Variants in HCN1 observed in about 807,000 individuals in gnomAD.
The protein encoded by HCN1 is hyperpolarization activated cyclic nucleotide gated potassium channel 1.
A neutral mutation model predicts 78.9 loss-of-function variants in HCN1; 13 were observed. The observed-to-expected ratio is 0.16, with a 90% CI of 0.11 to 0.26. The LOEUF (loss-of-function observed/expected upper bound fraction) is 0.26, where lower values mean the gene tolerates loss of function less well. HCN1 is among the 10% of genes least tolerant of loss of function. The pLI is 1.00. For missense variants in HCN1, 810 were observed against 1,154.3 expected, an observed-to-expected ratio of 0.70 and a Z score of 4.32; for synonymous variants, 552 against 455.5, an observed-to-expected ratio of 1.21 and a Z score of -2.70.
At chr5:45,583,268 C>T (rs1227207681) in intron 2 of HCN1, among the ~76,000 whole-genome samples, 2 of 152,114 alleles carry the variant, frequency 1.3e-5, no homozygotes, top group East Asian at 1.9e-4. Context: ...GTGTACGTGT[C>T]GAGGAATTTA....
At chr5:45,415,048 G>A (rs1740093724) in intron 3 of HCN1, among the ~76,000 whole-genome samples, 1 of 151,964 alleles carries the variant, frequency 6.6e-6, no homozygotes, top group Admixed American at 6.6e-5. Flanking sequence ...GTAAGCAGTG[G>A]TTAAATGTTA....
At chr5:45,435,096 T>G (rs1295540737) in intron 3 of HCN1, among the ~76,000 whole-genome samples, 2 of 152,014 alleles carry the variant, frequency 1.3e-5, no homozygotes, top group African/African-American at 4.8e-5. Flanking sequence ...AAAGAAAACA[T>G]CTAACTAATT....
chr5:45,575,244 T>C (rs2111909647), intron 2 of HCN1: 1 of 152,284 alleles, frequency 6.6e-6, no homozygotes, highest in Non-Finnish European at 1.5e-5. Context: ...TAGGAGCTAA[T>C]GTAGCTGGTG....
intron 2 of HCN1, among the ~76,000 whole-genome samples, chr5:45,627,323 A>AT (rs1199016912): frequency 6.6e-6 from 1 of 152,044 alleles, no homozygotes; most frequent in African/African-American, 2.4e-5. Flanking sequence ...CACACATGTC[A>AT]TTTTTTCTCC....
At chr5:45,536,178 C>T (rs2111814811) in intron 2 of HCN1, among the ~76,000 whole-genome samples, 1 of 152,082 alleles carries the variant, frequency 6.6e-6, no homozygotes, top group East Asian at 1.9e-4. Flanking sequence ...GTTTGGTTTT[C>T]TTCCTTTGCA....
chr5:45,547,357 A>T (rs1415423179), intron 2 of HCN1, among the ~76,000 whole-genome samples: 1 of 151,994 alleles, frequency 6.6e-6, no homozygotes, highest in African/African-American at 2.4e-5. Flanking sequence ...TTTTTGCTCT[A>T]TTCAATATGA....
intron 1 of HCN1, among the ~76,000 whole-genome samples, chr5:45,674,085 GT>G (rs1418908260): frequency 6.6e-6 from 1 of 151,166 alleles, no homozygotes; most frequent in Non-Finnish European, 1.5e-5. Flanking sequence ...GGATAGTTAT[GT>G]TTTAAAAGTT....
intron 6 of HCN1, among the ~76,000 whole-genome samples, chr5:45,287,878 A>AAGCAT (rs1745299717): frequency 6.6e-6 from 1 of 152,084 alleles, no homozygotes; most frequent in Non-Finnish European, 1.5e-5. Flanking sequence ...ACTGCTTTAT[A>AAGCAT]CTACACTGGC....
chr5:45,388,468 A>G (rs2112032461), intron 4 of HCN1, among the ~76,000 whole-genome samples: 1 of 152,326 alleles, frequency 6.6e-6, no homozygotes, highest in Non-Finnish European at 1.5e-5. Flanking sequence ...GACAAGAACA[A>G]TACCCTAGGG....
chr5:45,392,837 C>T (rs535989731), intron 4 of HCN1, among the ~76,000 whole-genome samples: 27 of 150,424 alleles, frequency 1.8e-4, no homozygotes, highest in Admixed American at 4.0e-4. Flanking sequence ...ATTAACAAAA[C>T]TTGATAAATT....
intron 3 of HCN1, among the ~76,000 whole-genome samples, chr5:45,417,190 C>T (rs185380413): frequency 4.6e-5 from 7 of 151,886 alleles, no homozygotes; most frequent in African/African-American, 9.7e-5. Flanking sequence ...AGATAGCTCA[C>T]GGTATCTATT....
chr5:45,317,831 C>T (rs530767686), intron 5 of HCN1, among the ~76,000 whole-genome samples: 3 of 152,170 alleles, frequency 2.0e-5, no homozygotes, highest in South Asian at 4.1e-4. Context: ...TCATCACTGG[C>T]CATCAGAGAA....
chr5:45,267,463 TAA>T (rs375114789), intron 6 of HCN1, among the ~76,000 whole-genome samples: 1 of 141,548 alleles, frequency 7.1e-6, no homozygotes. Context: ...TGTTTTGTTT[TAA>T]AAAAAAAAAA....
At chr5:45,537,922 T>A (rs1743004705) in intron 2 of HCN1, among the ~76,000 whole-genome samples, 1 of 152,092 alleles carries the variant, frequency 6.6e-6, no homozygotes, top group Non-Finnish European at 1.5e-5. Flanking sequence ...CCAAGGTCAA[T>A]GGATCTTTGA....
At chr5:45,297,539 G>T (rs1476829149) in intron 6 of HCN1, among the ~76,000 whole-genome samples, 1 of 151,978 alleles carries the variant, frequency 6.6e-6, no homozygotes, top group Non-Finnish European at 1.5e-5. Context: ...AAATATTTAA[G>T]GAATAAATGA....
At chr5:45,402,266 T>C (rs577372375) in intron 3 of HCN1, among the ~76,000 whole-genome samples, 3 of 152,258 alleles carry the variant, frequency 2.0e-5, no homozygotes, top group African/African-American at 7.2e-5. Context: ...GAGAATGATA[T>C]GATCTAAACC....
intron 2 of HCN1, among the ~76,000 whole-genome samples, chr5:45,634,619 T>C (rs892190503): frequency 1.1e-4 from 16 of 151,978 alleles, no homozygotes; most frequent in African/African-American, 3.6e-4. Flanking sequence ...AACACATTGG[T>C]AATTACTGGC....
intron 2 of HCN1, among the ~76,000 whole-genome samples, chr5:45,576,982 T>C (rs893539454): frequency 6.6e-6 from 1 of 152,092 alleles, no homozygotes; most frequent in Non-Finnish European, 1.5e-5. Context: ...TTTTTATAAA[T>C]GTTTTTGATG....
At chr5:45,274,808 C>T (rs188771537) in intron 6 of HCN1, among the ~76,000 whole-genome samples, 1 of 152,168 alleles carries the variant, frequency 6.6e-6, no homozygotes, top group East Asian at 1.9e-4. Flanking sequence ...TTAATTGTCC[C>T]AGGGAAAATT....
Sources: gnomAD v4.1 joint callset for allele counts (sites outside exome capture counted in the v4.1 genomes callset) on GRCh38, gnomAD v4.1.1 for gene constraint, MANE v1.5 for transcripts, NCBI Gene and HGNC (gene_info 2026-07-23, HGNC 2026-07-21) for gene names.